The following ZNF713 variants were observed in gnomAD, a reference collection of about 807,000 sequenced individuals.
ZNF713 encodes zinc finger protein 713.
Under a neutral mutation model 28.7 loss-of-function variants are expected in ZNF713, and 21 were observed. The observed-to-expected ratio is 0.73, with a 90% CI of 0.52 to 1.05. The LOEUF (loss-of-function observed/expected upper bound fraction) is 1.05. ZNF713 is among the 50% of genes least tolerant of loss of function. The pLI is 0.00. For synonymous variants in ZNF713, 167 were observed against 178.0 expected (o/e 0.94, Z 0.49); for missense variants, 458 against 532.4 (o/e 0.86, Z 1.37).
chr7:55,887,543 C>T lies in ZNF713; in HGVS notation c.-720C>T, dbSNP rs1205217705. 2.3e-5 allele frequency: 4 copies of T among 172,032 alleles called. No homozygotes were observed. The highest frequency in any genetic ancestry group is 1.9e-4 in the Admixed American group (3 of 15,598). 10.7% of individuals were successfully genotyped at this position (172,032 alleles called of 1,614,324 possible). On this transcript the variant is annotated 5_prime_UTR_variant, in exon 1 of 7. Transcript: ENST00000429591. ...GGACCGGCCCCAGGAGCCCAGTCAC[C>T]GGGCGTCATTGGCTCAGGCTGCGGG...
intron 1 of ZNF713, among the ~76,000 whole-genome samples, chr7:55,888,837 C>T (rs1367750443): frequency 6.6e-6 from 1 of 151,880 alleles, no homozygotes; most frequent in Non-Finnish European, 1.5e-5. Context: ...CACTTGAGCT[C>T]ATGAGTTCGA....
intron 2 of ZNF713, among the ~76,000 whole-genome samples, chr7:55,908,060 T>G (rs1265603792): frequency 6.6e-6 from 1 of 151,932 alleles, no homozygotes; most frequent in Non-Finnish European, 1.5e-5. Context: ...GAGGTTGTAC[T>G]AATACTAATT....
chr7:55,921,513 T>C (rs1785993348), intron 4 of ZNF713, among the ~76,000 whole-genome samples: 1 of 152,202 alleles, frequency 6.6e-6, no homozygotes, highest in Non-Finnish European at 1.5e-5. Flanking sequence ...AATATCAACA[T>C]TAACAAGAGT....
intron 6 of ZNF713, among the ~76,000 whole-genome samples, chr7:55,932,865 T>A (rs1584318861): frequency 9.6e-6 from 1 of 104,344 alleles, no homozygotes; most frequent in Middle Eastern, 9.6e-3. Context: ...CAGTCCGGCC[T>A]GGGCGACAGA....
At chr7:55,903,482 C>T (rs1785615793) in intron 1 of ZNF713, among the ~76,000 whole-genome samples, 1 of 151,796 alleles carries the variant, frequency 6.6e-6, no homozygotes, top group African/African-American at 2.4e-5. Flanking sequence ...CCAGACTGAC[C>T]AATATGGTGA....
At chr7:55,919,678 T>A (rs911055373) in intron 4 of ZNF713, among the ~76,000 whole-genome samples, 1 of 151,792 alleles carries the variant, frequency 6.6e-6, no homozygotes, top group Non-Finnish European at 1.5e-5. Flanking sequence ...GCTAATTTTT[T>A]AAATTTTTTT....
At chr7:55,890,745 C>T (rs183534770) in intron 1 of ZNF713, among the ~76,000 whole-genome samples, 50 of 152,068 alleles carry the variant, frequency 3.3e-4, no homozygotes, top group African/African-American at 9.2e-4. Context: ...AGAGGCTGGA[C>T]GTGGTGGCTT....
intron 5 of ZNF713, 56 bp downstream of exon 5, chr7:55,923,344 A>G: frequency 2.6e-6 from 4 of 1,562,624 alleles, no homozygotes; most frequent in Non-Finnish European, 3.5e-6. Context: ...TATTTCCTGA[A>G]CTAGTAGAAG....
At chr7:55,891,238 C>G (rs1367751445) in intron 1 of ZNF713, among the ~76,000 whole-genome samples, 1 of 152,078 alleles carries the variant, frequency 6.6e-6, no homozygotes, top group Non-Finnish European at 1.5e-5. Context: ...AAAGCTCAGT[C>G]TAAATACCTT....
At chr7:55,909,794 A>G (rs1039750617) in intron 2 of ZNF713, among the ~76,000 whole-genome samples, 2 of 152,112 alleles carry the variant, frequency 1.3e-5, no homozygotes, top group Non-Finnish European at 2.9e-5. Flanking sequence ...TTGTGTGGCT[A>G]TTGTAAATGG....
chr7:55,919,442 T>C (rs1157166068), intron 4 of ZNF713, among the ~76,000 whole-genome samples: 1 of 148,808 alleles, frequency 6.7e-6, no homozygotes, highest in Non-Finnish European at 1.5e-5. Context: ...GATTTATGGG[T>C]GTGGCATTTG....
chr7:55,898,234 C>T lies in ZNF713; in HGVS notation c.-582-8019C>T, dbSNP rs137933640. Among the ~76,000 whole-genome samples the T allele has an allele frequency of 1.1e-3, 163 of 152,204 alleles. 2 individuals are homozygous for T. Among genetic ancestry groups the T allele is most frequent in the African/African-American group, 3.7e-3 (153 of 41,540 alleles). ...ATGCAAAAGTAAACAAATAGGGTTG[C>T]GTCAATCTAAAAAGCTTTTACACGG... On this transcript the variant is annotated intron_variant, in intron 1 of 6. Coordinates refer to ENST00000429591, the MANE Select transcript of ZNF713 (RefSeq NM_182633.3).
At chr7:55,916,589 T>C (rs1036093861) in intron 4 of ZNF713, among the ~76,000 whole-genome samples, 3 of 152,222 alleles carry the variant, frequency 2.0e-5, no homozygotes, top group Non-Finnish European at 4.4e-5. Flanking sequence ...CCAAGCACCA[T>C]GCCTGGCATA....
chr7:55,931,151 T>G (rs969777136), intron 6 of ZNF713, among the ~76,000 whole-genome samples: 2 of 152,018 alleles, frequency 1.3e-5, no homozygotes, highest in African/African-American at 4.8e-5. Flanking sequence ...CCAGGCATGG[T>G]GGCGGGCGCC....
rs376763211 is a variant in ZNF713 at position 55,932,761 on chromosome 7, G to A, written c.308-6221G>A. 1.0e-4 allele frequency among the ~76,000 whole-genome samples: 15 copies of A among 148,878 alleles called. No individual in the cohort carries two copies. In the East Asian group the frequency reaches 1.4e-3, roughly 14 times the overall value. On this transcript the variant is annotated intron_variant, in intron 6 of 6. Transcript: ENST00000429591. ...TAGCCGGGCGCAGTGGCGGGCGCCTGTAGTCCCAGCTACTCGGGAGGCTGA... is the reference window on the plus strand; with the variant it reads ...TAGCCGGGCGCAGTGGCGGGCGCCTATAGTCCCAGCTACTCGGGAGGCTGA...
chr7:55,915,043 CG>C (rs1265275314), intron 4 of ZNF713, among the ~76,000 whole-genome samples: 6 of 152,106 alleles, frequency 3.9e-5, no homozygotes, highest in Non-Finnish European at 7.4e-5. Flanking sequence ...TTAGTAGAGA[CG>C]GGGTTTCACC....
chr7:55,914,386 G>A (rs2116219606), intron 4 of ZNF713, among the ~76,000 whole-genome samples: 1 of 152,136 alleles, frequency 6.6e-6, no homozygotes, highest in East Asian at 1.9e-4. Context: ...GTAGAGACAA[G>A]GTTTCACTAT....
chr7:55,902,855 T>C (rs1024049426), intron 1 of ZNF713, among the ~76,000 whole-genome samples: 6 of 151,914 alleles, frequency 3.9e-5, no homozygotes, highest in African/African-American at 1.5e-4. Context: ...TAGCCGGATA[T>C]GGTGGTGGGT....
chr7:55,907,249 G>T (rs1785696678), intron 2 of ZNF713, among the ~76,000 whole-genome samples: 1 of 152,090 alleles, frequency 6.6e-6, no homozygotes, highest in East Asian at 1.9e-4. Flanking sequence ...TGGTATTATG[G>T]TGTTTCCTTC....
Sources: allele counts gnomAD v4.1 joint callset (sites outside exome capture counted in the v4.1 genomes callset), GRCh38; gene constraint gnomAD v4.1.1; transcripts MANE v1.5; gene names NCBI Gene and HGNC (gene_info 2026-07-23, HGNC 2026-07-21).